The following FLT4 variants were observed in gnomAD, a reference collection of about 807,000 sequenced individuals.
FLT4 encodes fms related receptor tyrosine kinase 4, also known as vascular endothelial growth factor receptor 3.
In FLT4, 30 loss-of-function variants were observed where a neutral mutation model predicts 163.2. The ratio of observed to expected loss-of-function variants is 0.18; its 90% CI spans 0.14 to 0.25. The LOEUF (loss-of-function observed/expected upper bound fraction) is 0.25. Ranked by LOEUF, FLT4 falls within the 10% of genes least tolerant of loss-of-function variation. The pLI, the probability that FLT4 is intolerant of heterozygous loss-of-function variation, is 1.00. For synonymous variants in FLT4, 884 were observed against 789.5 expected (o/e 1.12, Z -2.01); for missense variants, 1,510 against 1,863.8 (o/e 0.81, Z 3.50).
Position 180,626,171 on chromosome 5 carries a change from C to A in FLT4, c.1198G>T (p.Ala400Ser), listed in dbSNP as rs369939230. 5 of 1,612,738 alleles carry A rather than the reference C, an allele frequency of 3.1e-6. No individual in the cohort carries two copies. The South Asian group carries it at 4.4e-5, about 14-fold the overall frequency. Residue 400 changes from alanine (A) to serine (S), a missense_variant, in exon 9 of 30, where the codon GCC becomes TCC. By Grantham distance (99) the Ala-to-Ser change is moderately conservative. This residue lies in a region of FLT4 where 878 missense variants were observed against 1,016.7 expected (regional missense o/e 0.86). Transcript: ENST00000261937. ...AGGCCAGCAGCGGAGTTCCACAGGG[C>A]GAGGGTGTAGGTGCCTGTGCTGGCC... is the stretch of plus-strand genomic sequence containing the variant. The part of the protein sequence containing the change: ...TEASTGTYTL[A>S]LWNSAAGLRR...
At chr5:180,612,964 C>CCGA in intron 25 of FLT4, 47 bp downstream of exon 25, 1 of 1,472,604 alleles carries the variant, frequency 6.8e-7, no homozygotes, top group East Asian at 2.3e-5. Flanking sequence ...CCCCACGCCC[C>CCGA]CGACGCTTGC....
intron 9 of FLT4, 27 bp downstream of exon 9, chr5:180,626,084 C>G (rs1388891837): frequency 6.2e-7 from 1 of 1,612,774 alleles, no homozygotes; most frequent in Non-Finnish European, 8.5e-7. Context: ...GGCCGCCCAC[C>G]CGTGCGCTCT....
At chr5:180,613,955 G>C in intron 24 of FLT4, 113 bp downstream of exon 24, 1 of 798,714 alleles carries the variant, frequency 1.3e-6, no homozygotes, top group East Asian at 2.5e-5. Flanking sequence ...GCTTCAGAAC[G>C]ACCTGGCACA....
chr5:180,646,522 A>C (rs1765502333), intron 1 of FLT4, among the ~76,000 whole-genome samples: 1 of 152,120 alleles, frequency 6.6e-6, no homozygotes. Context: ...CCTGTCCTGG[A>C]GTTCTGCAGA....
intron 23 of FLT4, among the ~76,000 whole-genome samples, chr5:180,615,590 T>G (rs191642840): frequency 0.017 from 74 of 4,342 alleles, 6 homozygotes; most frequent in Admixed American, 0.02. Context: ...GAGCACTGGG[T>G]CCCGCTGGTC....
intron 1 of FLT4, among the ~76,000 whole-genome samples, chr5:180,641,204 A>C (rs944240355): frequency 1.3e-5 from 2 of 151,480 alleles, no homozygotes; most frequent in Admixed American, 1.3e-4. Context: ...TGTCATCCCC[A>C]CTCTGGCCTT....
rs142734865 is a variant in FLT4, at chr5:180,630,703, G to A, written c.252C>T (p.Cys84=). 1.5e-5 allele frequency: 24 copies of A among 1,612,486 alleles called. No homozygotes were observed. The highest frequency in any genetic ancestry group is 1.3e-4 in the African/African-American group (10 of 74,898). ...AGTAGGGCCTGGCGTCTGTGCCCTC[G>A]CAGTCTCGCACCACCCCCGTGTCCT... The part of the protein sequence containing the change: ...DSEDTGVVRD[C]EGTDARPYCK... Residue 84 remains cysteine (C), a synonymous_variant, in exon 3 of 30, where the codon TGC becomes TGT. Coordinates refer to ENST00000261937, the MANE Select transcript of FLT4 (RefSeq NM_182925.5). This position sits in a 1 kb window ranked among gnomAD's most constrained non-coding sequence, Gnocchi z 6.3.
chr5:180,627,623 G>C (rs542336380), intron 8 of FLT4, among the ~76,000 whole-genome samples: 2 of 152,326 alleles, frequency 1.3e-5, no homozygotes, highest in African/African-American at 4.8e-5. Context: ...GGCACCACAG[G>C]AAGGGTGGGT....
Position 180,611,394 on chromosome 5 carries a change from T to C in FLT4, c.3623A>G (p.His1208Arg), listed in dbSNP as rs753206035. 3.7e-6 allele frequency: 6 copies of C among 1,614,072 alleles called. No homozygotes were observed. The Admixed American group carries it at 1.0e-4, about 27-fold the overall frequency. Residue 1208 changes from histidine (H) to arginine (R), a missense_variant, in exon 27 of 30, where the codon CAC (histidine) becomes CGC (arginine). By Grantham distance (29) the His-to-Arg change is conservative. Coordinates refer to ENST00000261937, the MANE Select transcript of FLT4 (RefSeq NM_182925.5). The stretch of plus-strand genomic sequence containing the variant: ...GTCCTCAGCGTCAGCCTGGGCGATG[T>C]GTAGGGCCATGGTGGACACCTGCGA... ...SFSQVSTMAL[H>R]IAQADAEDSP... is the part of the protein sequence containing the mutation.
At chr5:180,645,680 C>T (rs1234526972) in intron 1 of FLT4, among the ~76,000 whole-genome samples, 1 of 152,204 alleles carries the variant, frequency 6.6e-6, no homozygotes, top group Admixed American at 6.5e-5. Context: ...TGCTGTTACC[C>T]CGTCCAGCCC....
At position 180,630,582 on chromosome 5, in the gene FLT4, C is replaced by T. The variant is rs2127838514; in HGVS notation, c.373G>A (p.Ala125Thr). Residue 125 changes from alanine to threonine, a missense_variant, in exon 3 of 30, where the codon GCC (alanine) becomes ACC (threonine). Physicochemically the swap from Ala to Thr is moderately conservative, Grantham distance 58. Around this residue, in one of 5 missense-constraint regions of FLT4, gnomAD observed 157 missense variants for 178.7 expected, o/e 0.88. Coordinates refer to ENST00000261937, the MANE Select transcript of FLT4 (RefSeq NM_182925.5). The surrounding 1 kb of genome is among the most constrained non-coding windows in gnomAD (Gnocchi z 6.3). The part of the protein sequence containing the change: ...YIKARIEGTT[A>T]ASSYVFVRDF... ...CTCACGAACACGTAGGAGCTGGCGG[C>T]CGTGGTGCCCTCGATGCGTGCCTTG... The T allele has an allele frequency of 6.2e-7, 1 of 1,613,000 alleles. No homozygotes were observed. Among genetic ancestry groups the T allele is most frequent in the Non-Finnish European group, 8.5e-7 (1 of 1,179,964 alleles).
chr5:180,615,717 TTCCTTTCGGAGCACTGGGCCCGCCG>T (rs1762625121), intron 23 of FLT4, among the ~76,000 whole-genome samples: 12 of 82,244 alleles, frequency 1.5e-4, no homozygotes, highest in Non-Finnish European at 1.9e-4. Context: ...CGAAATCCAC[TTCCTTTCGGAGCACTGGGCCCGCCG>T]GTCACCTCCC....
At position 180,612,610 on chromosome 5, in the gene FLT4, G is replaced by A. The variant is rs202140363; in HGVS notation, c.3433C>T (p.Arg1145Cys). The A allele has an allele frequency of 4.1e-5, 66 of 1,610,558 alleles. No individual in the cohort carries two copies. The highest frequency in any genetic ancestry group is 6.7e-5 in the East Asian group (3 of 44,876). Residue 1145 changes from arginine to cysteine, a missense_variant and splice_region_variant, in exon 26 of 30, where the codon CGC becomes TGC. Coordinates refer to ENST00000261937, the MANE Select transcript of FLT4 (RefSeq NM_182925.5). ...RAPELATPAI[R>C]RIMLNCWSGD... ...GACCAGCAGTTCAGCATGATGCGGC[G>A]TCTGCAGGATCACGTGGGCTGCTGG...
chr5:180,603,346 G>A lies in FLT4; in HGVS notation c.3938C>T (p.Pro1313Leu), dbSNP rs185808242. The change falls in exon 30 of 30, where the codon CCT becomes CTT. Residue 1313 changes from proline (P) to leucine (L), a missense_variant. By Grantham distance (98) the Pro-to-Leu change is moderately conservative. This residue lies in a region of FLT4 where 295 missense variants were observed against 311.0 expected (regional missense o/e 0.95). Transcript: ENST00000261937. ...GQNVAVTRAHPDSQGRRRRPE... is the reference protein window; with the variant it reads ...GQNVAVTRAHLDSQGRRRRPE... The stretch of plus-strand genomic sequence containing the variant: ...CCGCCGCCGCCTCCCTTGGGAGTCA[G>A]GGTGTGCCCTGGTCACAGCCACATT... 3.1e-6 allele frequency: 5 copies of A among 1,614,106 alleles called. No homozygotes were observed. In the African/African-American group the frequency reaches 4.0e-5, roughly 13 times the overall value.
chr5:180,634,219 C>G (rs1163213997), intron 1 of FLT4, among the ~76,000 whole-genome samples: 4 of 152,220 alleles, frequency 2.6e-5, no homozygotes, highest in African/African-American at 9.6e-5. Flanking sequence ...GAGGGCCTCC[C>G]TCTTTAGGGT....
intron 1 of FLT4, among the ~76,000 whole-genome samples, chr5:180,642,394 T>C (rs186309218): frequency 1.3e-5 from 2 of 151,962 alleles, no homozygotes; most frequent in African/African-American, 4.8e-5. Context: ...TGTAGACTGA[T>C]TAGGAGCTTG....
Position 180,625,852 on chromosome 5 carries a change from G to A in FLT4, c.1421+17C>T. 2 of 1,606,100 alleles carry A rather than the reference G, an allele frequency of 1.2e-6. No homozygotes were observed. Among genetic ancestry groups the A allele is most frequent in the Non-Finnish European group, 1.7e-6 (2 of 1,178,334 alleles). ...GCTGTGGCTGTGCAGGGGACCTGAG[G>A]CTGGAGCTGTACTCACAGACTACGC... On this transcript the variant is annotated intron_variant, in intron 10 of 29. Coordinates refer to ENST00000261937, the MANE Select transcript of FLT4 (RefSeq NM_182925.5).
intron 24 of FLT4, 37 bp from the exon 25 acceptor site, chr5:180,613,147 C>T: frequency 6.7e-7 from 1 of 1,491,824 alleles, no homozygotes; most frequent in Non-Finnish European, 9.3e-7. Flanking sequence ...GGGAGCAAGC[C>T]TCCTGCGGCT....
chr5:180,629,097 T>C, intron 7 of FLT4, 98 bp from the exon 8 acceptor site: 2 of 1,440,534 alleles, frequency 1.4e-6, no homozygotes, highest in Non-Finnish European at 2.0e-6. Context: ...CAGCCGGACA[T>C]CCGCAGACTG....
Sources: gnomAD v4.1 joint callset for allele counts (sites outside exome capture counted in the v4.1 genomes callset) on GRCh38, gnomAD v4.1.1 for gene constraint, gnomAD v4.1.1 regional missense constraint, Gnocchi (gnomAD v3.1) non-coding constraint, MANE v1.5 for transcripts, NCBI Gene and HGNC (gene_info 2026-07-23, HGNC 2026-07-21) for gene names.